Variants in CNTNAP2 observed in about 807,000 individuals in gnomAD.
The protein encoded by CNTNAP2 is contactin associated protein 2, also known as contactin-associated protein-like 2.
A neutral mutation model predicts 155.2 loss-of-function variants in CNTNAP2; 98 were observed. The observed-to-expected ratio is 0.63, with a 90% CI of 0.54 to 0.75. CNTNAP2 has a LOEUF of 0.75. Ranked by LOEUF, CNTNAP2 falls within the 30% of genes least tolerant of loss-of-function variation. CNTNAP2 has a pLI of 0.00. For synonymous variants in CNTNAP2, 651 were observed against 631.2 expected, an observed-to-expected ratio of 1.03 and a Z score of -0.47; for missense variants, 1,727 against 1,688.1, an observed-to-expected ratio of 1.02 and a Z score of -0.40.
intron 8 of CNTNAP2, among the ~76,000 whole-genome samples, chr7:147,180,227 T>G (rs1023738876): frequency 6.6e-6 from 1 of 152,186 alleles, no homozygotes; most frequent in African/African-American, 2.4e-5. Flanking sequence ...GTTTGAGACT[T>G]TCTGATTCTC....
intron 2 of CNTNAP2, among the ~76,000 whole-genome samples, chr7:146,800,048 A>G (rs886313568): frequency 2.0e-5 from 3 of 152,210 alleles, no homozygotes; most frequent in Non-Finnish European, 4.4e-5. Context: ...CTAATTCTGA[A>G]TAGTAGGGAA....
At chr7:146,210,460 T>C (rs775133653) in intron 1 of CNTNAP2, among the ~76,000 whole-genome samples, 1 of 152,146 alleles carries the variant, frequency 6.6e-6, no homozygotes, top group Non-Finnish European at 1.5e-5. Context: ...TGCACCACCA[T>C]GCCCAACTAA....
rs79491432 is a variant in CNTNAP2, at chr7:146,591,735, C to T, written c.98-182536C>T. On this transcript the variant is annotated intron_variant, in intron 1 of 23. Coordinates refer to ENST00000361727, the MANE Select transcript of CNTNAP2 (RefSeq NM_014141.6). ...ATGCTTTTATCTTCTTTGTGTCCAT[C>T]TAATTCTTTGTGGGTGATGTCCACT... Among the ~76,000 whole-genome samples the T allele has an allele frequency of 4.0e-5, 6 of 151,752 alleles. No individual in the cohort carries two copies. In the South Asian group the frequency reaches 1.2e-3, roughly 31 times the overall value.
chr7:148,206,748 G>A lies in CNTNAP2; in HGVS notation c.3011-10540G>A, dbSNP rs148580086. Among the ~76,000 whole-genome samples the A allele has an allele frequency of 1.1e-3, 167 of 152,330 alleles. 1 individual carries two copies. Among genetic ancestry groups the A allele is most frequent in the Middle Eastern group, 0.01 (3 of 294 alleles). ...GGTTTTTTCCAAAAACATAGCCTAG[G>A]TTGGGAAGCCTGGAGGCCTGTTTCC... On this transcript the variant is annotated intron_variant, in intron 18 of 23. Transcript: ENST00000361727.
intron 8 of CNTNAP2, among the ~76,000 whole-genome samples, chr7:147,210,986 A>G (rs1251735202): frequency 6.7e-6 from 1 of 148,218 alleles, no homozygotes; most frequent in Admixed American, 6.7e-5. Context: ...GACTTGCTTT[A>G]TGGCTGAACA....
At chr7:147,665,182 G>T (rs536830589) in intron 13 of CNTNAP2, among the ~76,000 whole-genome samples, 17 of 152,054 alleles carry the variant, frequency 1.1e-4, no homozygotes, top group Non-Finnish European at 5.9e-5. Context: ...GAAACTATAG[G>T]TGTATTTTCC....
chr7:147,555,724 T>A (rs1190881136), intron 11 of CNTNAP2, among the ~76,000 whole-genome samples: 1 of 152,200 alleles, frequency 6.6e-6, no homozygotes, highest in Non-Finnish European at 1.5e-5. Context: ...CCACTTCTAG[T>A]GATCCTCATG....
At chr7:147,430,349 A>G (rs940620653) in intron 10 of CNTNAP2, among the ~76,000 whole-genome samples, 2 of 152,206 alleles carry the variant, frequency 1.3e-5, no homozygotes, top group Admixed American at 6.5e-5. Flanking sequence ...GCTTTTAGTT[A>G]GCAGAATTCC....
intron 1 of CNTNAP2, among the ~76,000 whole-genome samples, chr7:146,591,267 A>C (rs1362696007): frequency 6.6e-6 from 1 of 152,156 alleles, no homozygotes; most frequent in Admixed American, 6.5e-5. Flanking sequence ...AATCTGAAAC[A>C]CTTTTTGTCC....
At chr7:146,438,985 A>C (rs960514880) in intron 1 of CNTNAP2, among the ~76,000 whole-genome samples, 2 of 151,410 alleles carry the variant, frequency 1.3e-5, no homozygotes, top group Admixed American at 6.6e-5. Context: ...TTCTTTTCTA[A>C]TTTATTCATG....
At chr7:148,301,306 A>AAAATATATATATATAT in intron 21 of CNTNAP2, among the ~76,000 whole-genome samples, 4 of 103,848 alleles carry the variant, frequency 3.9e-5, no homozygotes, top group Non-Finnish European at 5.8e-5. Context: ...AAAAAAAAAA[A>AAAATATATATATATAT]ATATATATAT....
At chr7:146,810,614 T>A (rs1312063579) in intron 2 of CNTNAP2, among the ~76,000 whole-genome samples, 1 of 143,664 alleles carries the variant, frequency 7.0e-6, no homozygotes, top group African/African-American at 3.0e-5. Flanking sequence ...CCAATTAGGA[T>A]GCTTTCTATC....
At chr7:148,065,003 C>T (rs117881699) in intron 15 of CNTNAP2, among the ~76,000 whole-genome samples, 61 of 152,136 alleles carry the variant, frequency 4.0e-4, no homozygotes, top group African/African-American at 1.3e-3. Context: ...TATTATCATT[C>T]GGTTCGAAGA....
chr7:147,453,662 C>T (rs1475374175), intron 10 of CNTNAP2, among the ~76,000 whole-genome samples: 3 of 152,070 alleles, frequency 2.0e-5, no homozygotes, highest in Non-Finnish European at 4.4e-5. Flanking sequence ...GAAAATAATT[C>T]TTTTGTTTTC....
intron 1 of CNTNAP2, among the ~76,000 whole-genome samples, chr7:146,514,342 C>T (rs750023680): frequency 7.2e-5 from 11 of 151,972 alleles, no homozygotes; most frequent in Non-Finnish European, 1.2e-4. Context: ...TCTCAACCCC[C>T]TCTTGAAGGA....
At chr7:147,896,674 G>A (rs1799782348) in intron 13 of CNTNAP2, among the ~76,000 whole-genome samples, 1 of 152,164 alleles carries the variant, frequency 6.6e-6, no homozygotes, top group Non-Finnish European at 1.5e-5. Context: ...ATCAAGTGCA[G>A]GGTCTGCAGA....
chr7:146,487,441 C>T (rs1797073372), intron 1 of CNTNAP2, among the ~76,000 whole-genome samples: 1 of 152,108 alleles, frequency 6.6e-6, no homozygotes, highest in African/African-American at 2.4e-5. Context: ...TGGCAAAGTG[C>T]AATGTCCTCC....
intron 21 of CNTNAP2, among the ~76,000 whole-genome samples, chr7:148,278,065 A>G (rs1437901728): frequency 6.6e-6 from 1 of 152,158 alleles, no homozygotes; most frequent in Non-Finnish European, 1.5e-5. Context: ...CACATCCACT[A>G]ACATCTGATT....
intron 17 of CNTNAP2, among the ~76,000 whole-genome samples, chr7:148,165,074 C>T (rs756513673): frequency 6.6e-6 from 1 of 152,096 alleles, no homozygotes; most frequent in Non-Finnish European, 1.5e-5. Flanking sequence ...CTTGGGCTGC[C>T]CTAACAGAAT....
Sources: allele counts gnomAD v4.1 joint callset (sites outside exome capture counted in the v4.1 genomes callset), GRCh38; gene constraint gnomAD v4.1.1; transcripts MANE v1.5; gene names NCBI Gene and HGNC (gene_info 2026-07-23, HGNC 2026-07-21).